Variants in FRMD3 observed in about 807,000 individuals in gnomAD.
The protein encoded by FRMD3 is FERM domain containing 3, also known as FERM domain-containing protein 3.
In FRMD3, 33 loss-of-function variants were observed where a neutral mutation model predicts 70.2. That is an observed-to-expected ratio of 0.47 (90% confidence interval 0.36 to 0.63). The LOEUF (loss-of-function observed/expected upper bound fraction) is 0.63, where lower values mean the gene tolerates loss of function less well. FRMD3 is among the 20% of genes least tolerant of loss of function. The pLI is 0.00. For synonymous variants in FRMD3, 279 were observed against 255.9 expected, an observed-to-expected ratio of 1.09 and a Z score of -0.86; for missense variants, 632 against 711.4, an observed-to-expected ratio of 0.89 and a Z score of 1.27.
chr9:83,507,691 CAT>C (rs34251863), intron 1 of FRMD3, among the ~76,000 whole-genome samples: 869 of 49,160 alleles, frequency 0.018, 33 homozygotes, highest in Middle Eastern at 0.037. Flanking sequence ...AATATACATA[CAT>C]ATATATATAT....
At chr9:83,447,008 GTTTTGTTTTGTT>G (rs1827496208) in intron 1 of FRMD3, among the ~76,000 whole-genome samples, 1 of 150,330 alleles carries the variant, frequency 6.7e-6, no homozygotes, top group Non-Finnish European at 1.5e-5. Context: ...GTTTTGTTTT[GTTTTGTTTTGTT>G]TTGTTTTGTT....
intron 1 of FRMD3, among the ~76,000 whole-genome samples, chr9:83,440,889 G>C (rs1407764292): frequency 1.3e-5 from 2 of 151,968 alleles, no homozygotes; most frequent in Non-Finnish European, 2.9e-5. Flanking sequence ...GCTGCATTCT[G>C]GTTCTCCTCT....
At position 83,516,664 on chromosome 9, in the gene FRMD3, T is replaced by C. The variant is rs376020020; in HGVS notation, c.147+21421A>G. Among the ~76,000 whole-genome samples the C allele has an allele frequency of 2.8e-4, 42 of 152,254 alleles. 4 individuals are homozygous for C. Among genetic ancestry groups the C allele is most frequent in the African/African-American group, 9.9e-4 (41 of 41,548 alleles). On this transcript the variant is annotated intron_variant, in intron 1 of 13. Transcript: ENST00000304195. ...AACTCTCCACCCCAAAACAACAGAA[T>C]ATACATTCTTCTCAGCACCACATAG...
rs1416287887 is a variant in FRMD3, at chr9:83,314,592, CAA to C, written c.597-847_597-846del. Among the ~76,000 whole-genome samples, 6 of 152,118 alleles carry C rather than the reference CAA, an allele frequency of 3.9e-5. No homozygotes were observed. The East Asian group carries it at 9.7e-4, about 24-fold the overall frequency. On this transcript the variant is annotated intron_variant, in intron 6 of 13. Transcript: ENST00000304195. ...TTGTCCCCCCACCCCCTCAAGATAG[CAA>C]AGAGTCATCATACCTCTAAATCAAA...
At chr9:83,371,203 TA>T (rs1824959829) in intron 3 of FRMD3, among the ~76,000 whole-genome samples, 1 of 152,164 alleles carries the variant, frequency 6.6e-6, no homozygotes, top group Admixed American at 6.5e-5. Flanking sequence ...AAAATATCAA[TA>T]TTTTGTAGTT....
At chr9:83,303,322 G>C (rs1270708046) in intron 10 of FRMD3, among the ~76,000 whole-genome samples, 1 of 152,218 alleles carries the variant, frequency 6.6e-6, no homozygotes, top group Non-Finnish European at 1.5e-5. Flanking sequence ...ATAAGGCACA[G>C]AGAGGTTTAA....
At chr9:83,384,553 CT>C (rs1404239408) in intron 2 of FRMD3, among the ~76,000 whole-genome samples, 2 of 152,150 alleles carry the variant, frequency 1.3e-5, no homozygotes, top group Admixed American at 6.5e-5. Context: ...TCTCTAGTTC[CT>C]TCTGGCTACC....
the FRMD3 span, among the ~76,000 whole-genome samples, chr9:83,576,358 T>C: frequency 6.6e-6 from 1 of 151,954 alleles, no homozygotes; most frequent in Non-Finnish European, 1.5e-5. Context: ...ATGGTAAAAC[T>C]ACTCAGGAAA....
upstream of FRMD3, among the ~76,000 whole-genome samples, chr9:83,542,685 A>G (rs555048082): frequency 2.0e-5 from 3 of 152,372 alleles, no homozygotes; most frequent in Admixed American, 2.0e-4. Context: ...GACTGATATT[A>G]CCTGACTTTA....
At chr9:83,372,003 C>CA (rs1824989322) in intron 3 of FRMD3, among the ~76,000 whole-genome samples, 1 of 152,094 alleles carries the variant, frequency 6.6e-6, no homozygotes, top group Non-Finnish European at 1.5e-5. Context: ...TCTTCATATT[C>CA]AAAAAATGAA....
intron 13 of FRMD3, among the ~76,000 whole-genome samples, chr9:83,276,723 T>C (rs1723132788): frequency 6.6e-6 from 1 of 152,242 alleles, no homozygotes; most frequent in South Asian, 2.1e-4. Context: ...TATGTATACA[T>C]ACTGAGACAG....
In FRMD3 at chr9:83,444,591, G is replaced by A. The variant is rs577933798; in HGVS notation, c.148-54883C>T. Among the ~76,000 whole-genome samples, 360 of 152,316 alleles carry A rather than the reference G, an allele frequency of 2.4e-3. 1 individual carries two copies. Among genetic ancestry groups the A allele is most frequent in the African/African-American group, 8.2e-3 (341 of 41,554 alleles). ...GACGAAAATGGCCACAGAATGCTGT[G>A]TACTTGAATCACATTGACCCAAAGT... On this transcript the variant is annotated intron_variant, in intron 1 of 13. Transcript: ENST00000304195.
At chr9:83,413,962 G>T (rs769520960) in intron 1 of FRMD3, among the ~76,000 whole-genome samples, 20 of 152,158 alleles carry the variant, frequency 1.3e-4, no homozygotes, top group Non-Finnish European at 2.6e-4. Flanking sequence ...AGTCCTAGCA[G>T]GAACCAGCCG....
In FRMD3 at chr9:83,337,406, C is replaced by T. The variant is rs185911750; in HGVS notation, c.473-1767G>A. Among the ~76,000 whole-genome samples the T allele has an allele frequency of 1.5e-4, 23 of 152,266 alleles. 1 individual carries two copies. The East Asian group carries it at 4.4e-3, about 29-fold the overall frequency. ...ATCTTCAAGGGTAAAAAGAGAAATG[C>T]CTACACATCTCTGAGCACCCAGAAG... On this transcript the variant is annotated intron_variant, in intron 5 of 13. Coordinates refer to ENST00000304195, the MANE Select transcript of FRMD3 (RefSeq NM_174938.6).
Position 83,286,683 on chromosome 9 carries a change from A to T in FRMD3, c.1195+3920T>A, listed in dbSNP as rs1834228192. ...AAGCTGCTGATCTTGAACCGTTTAC[A>T]AATCTAGTTCCAAAATATGTGATTT... On this transcript the variant is annotated intron_variant, in intron 13 of 13. Coordinates refer to ENST00000304195, the MANE Select transcript of FRMD3 (RefSeq NM_174938.6). 2.6e-5 allele frequency among the ~76,000 whole-genome samples: 4 copies of T among 152,168 alleles called. No homozygotes were observed. The South Asian group carries it at 6.2e-4, about 24-fold the overall frequency.
chr9:83,352,312 A>G (rs1221751661), intron 3 of FRMD3, among the ~76,000 whole-genome samples: 1 of 152,232 alleles, frequency 6.6e-6, no homozygotes, highest in Non-Finnish European at 1.5e-5. Flanking sequence ...AGCAATTTAT[A>G]AAAAGGAAGA....
In FRMD3 at chr9:83,290,745, CCAGA is replaced by C. The variant is rs1206179964; in HGVS notation, c.1071-22_1071-19del. On this transcript the variant is annotated intron_variant, in intron 12 of 13. Transcript: ENST00000304195. ...TGTTGGCTCTGAAAACAGACACAAGCCAGACAGAGTTGGTTTCCATCACAAATGC... is the reference window on the plus strand; with the variant it reads ...TGTTGGCTCTGAAAACAGACACAAGCCAGAGTTGGTTTCCATCACAAATGC... 1.3e-6 allele frequency: 2 copies of C among 1,592,442 alleles called. No homozygotes were observed. Among genetic ancestry groups the C allele is most frequent in the Non-Finnish European group, 1.7e-6 (2 of 1,168,546 alleles).
chr9:83,314,678 C>T (rs1335038953), intron 6 of FRMD3, among the ~76,000 whole-genome samples: 2 of 152,064 alleles, frequency 1.3e-5, no homozygotes, highest in African/African-American at 4.8e-5. Context: ...CTTTAGTGCA[C>T]TGGAGTTACA....
At chr9:83,428,277 C>A (rs1826869919) in intron 1 of FRMD3, among the ~76,000 whole-genome samples, 1 of 151,816 alleles carries the variant, frequency 6.6e-6, no homozygotes, top group Non-Finnish European at 1.5e-5. Context: ...ACTTGGGAGG[C>A]TGAGGCAGAA....
Sources: gnomAD v4.1 joint callset for allele counts (sites outside exome capture counted in the v4.1 genomes callset) on GRCh38, gnomAD v4.1.1 for gene constraint, MANE v1.5 for transcripts, NCBI Gene and HGNC (gene_info 2026-07-23, HGNC 2026-07-21) for gene names.